Variants in IGLON5 observed in about 807,000 individuals in gnomAD.
The protein encoded by IGLON5 is Ig-like domain-containing protein ENSP00000270642.
IGLON5 carries 16 observed loss-of-function variants against 38.2 expected under a neutral mutation model. The observed-to-expected ratio is 0.42, with a 90% CI of 0.28 to 0.64. The LOEUF is 0.64. IGLON5 is among the 30% of genes least tolerant of loss of function. The pLI is 0.23. For missense variants in IGLON5, 366 were observed against 483.4 expected, an observed-to-expected ratio of 0.76 and a Z score of 2.28; for synonymous variants, 207 against 216.4, an observed-to-expected ratio of 0.96 and a Z score of 0.38.
In IGLON5 at chr19:51,314,722, A is replaced by C. The variant is rs1246650796; in HGVS notation, c.79+2796A>C. ...TTGAGCTGTCTGGGAAAAAAAGCTT[A>C]TGGCAAGATATGCAAACTAGCATCT... On this transcript the variant is annotated intron_variant, in intron 1 of 7. Coordinates refer to ENST00000270642, the MANE Select transcript of IGLON5 (RefSeq NM_001101372.3). 2.0e-5 allele frequency among the ~76,000 whole-genome samples: 3 copies of C among 152,336 alleles called. No homozygotes were observed. The East Asian group carries it at 5.8e-4, about 29-fold the overall frequency.
At chr19:51,316,773 C>T (rs1199229608) in intron 1 of IGLON5, among the ~76,000 whole-genome samples, 4 of 152,084 alleles carry the variant, frequency 2.6e-5, no homozygotes, top group African/African-American at 9.7e-5. Flanking sequence ...GCATTATAGG[C>T]GTGAACCACC....
Position 51,327,868 on chromosome 19 carries a change from G to C in IGLON5, c.904G>C (p.Ala302Pro). 1 of 1,526,836 alleles carries C rather than the reference G, an allele frequency of 6.5e-7. No homozygotes were observed. The highest frequency in any genetic ancestry group is 1.4e-5 in the African/African-American group (1 of 71,796). The allele number at this position is 1,526,836 out of a possible 1,614,324, so 94.6% of individuals were successfully genotyped here. Residue 302 changes from alanine to proline, a missense_variant, in exon 7 of 8, where the codon GCC (alanine) becomes CCC (proline). Coordinates refer to ENST00000270642, the MANE Select transcript of IGLON5 (RefSeq NM_001101372.3). The surrounding 1 kb of genome is among the most constrained non-coding windows in gnomAD (Gnocchi z 7.1). ...CGCCAACCGACTGGGAGCGTCCAGC[G>C]CCTCCATGCGGCTCCTGCGTGCGTC... Reference protein sequence around the residue: ...RAANRLGASSASMRLLRPGSL... With the variant: ...RAANRLGASSPSMRLLRPGSL...
chr19:51,325,184 G>A lies in IGLON5; in HGVS notation c.392-162G>A, dbSNP rs1269675384. Among the ~76,000 whole-genome samples, 1 of 151,776 alleles carries A rather than the reference G, an allele frequency of 6.6e-6. No individual in the cohort carries two copies. The highest frequency in any genetic ancestry group is 6.6e-5 in the Admixed American group (1 of 15,252). The stretch of plus-strand genomic sequence containing the variant: ...TGGGTCTGAGGGAAGAGGAACTGCG[G>A]GTCTGAACTCCCGGGTCTGAGGGAG... On this transcript the variant is annotated intron_variant, in intron 3 of 7. Transcript: ENST00000270642. This position sits in a 1 kb window ranked among gnomAD's most constrained non-coding sequence, Gnocchi z 5.5.
Position 51,327,848 on chromosome 19 carries a change from A to G in IGLON5, c.884A>G (p.Asn295Ser). The change falls in exon 7 of 8, where the codon AAC (asparagine) becomes AGC (serine). Residue 295 changes from asparagine (N) to serine (S), a missense_variant. Coordinates refer to ENST00000270642, the MANE Select transcript of IGLON5 (RefSeq NM_001101372.3). This position sits in a 1 kb window ranked among gnomAD's most constrained non-coding sequence, Gnocchi z 7.1. Reference protein sequence around the residue: ...HYGNYTCRAANRLGASSASMR... With the variant: ...HYGNYTCRAASRLGASSASMR... ...GGCAACTATACGTGTCGCGCCGCCAACCGACTGGGAGCGTCCAGCGCCTCC... is the reference window on the plus strand; with the variant it reads ...GGCAACTATACGTGTCGCGCCGCCAGCCGACTGGGAGCGTCCAGCGCCTCC... The G allele has an allele frequency of 1.3e-6, 2 of 1,488,652 alleles. No homozygotes were observed. The highest frequency in any genetic ancestry group is 1.8e-6 in the Non-Finnish European group (2 of 1,111,280). 92.2% of individuals were successfully genotyped at this position (1,488,652 alleles called of 1,614,324 possible). A position where few individuals can be genotyped will look rare whatever the true frequency, so the allele number is the denominator to read the frequency against.
At chr19:51,321,468 C>T (rs752431064) in intron 1 of IGLON5, among the ~76,000 whole-genome samples, 15 of 152,084 alleles carry the variant, frequency 9.9e-5, no homozygotes, top group Admixed American at 2.0e-4. Context: ...TGTGAGCCAC[C>T]GCACCTGGCC....
At chr19:51,321,520 T>C (rs1480107833) in intron 1 of IGLON5, among the ~76,000 whole-genome samples, 1 of 152,084 alleles carries the variant, frequency 6.6e-6, no homozygotes, top group East Asian at 1.9e-4. Context: ...GGTATGTGTG[T>C]CGCTGTACTC....
Position 51,327,954 on chromosome 19 carries a change from A to G in IGLON5, c.922+68A>G, listed in dbSNP as rs921207738. On this transcript the variant is annotated intron_variant, in intron 7 of 7. Coordinates refer to ENST00000270642, the MANE Select transcript of IGLON5 (RefSeq NM_001101372.3). The surrounding 1 kb of genome is among the most constrained non-coding windows in gnomAD (Gnocchi z 7.1). The stretch of plus-strand genomic sequence containing the variant: ...CGGGGGCGGGGCTAGGGAAGTGGAG[A>G]CGCCGGGACCGCCCTTCAGGCTGGC... 1 of 1,413,704 alleles carries G rather than the reference A, an allele frequency of 7.1e-7. No individual in the cohort carries two copies. Among genetic ancestry groups the G allele is most frequent in the African/African-American group, 1.5e-5 (1 of 67,078 alleles). 87.6% of individuals were successfully genotyped at this position (1,413,704 alleles called of 1,614,324 possible).
At chr19:51,321,993 A>G in intron 1 of IGLON5, 71 bp from the exon 2 acceptor site, 1 of 1,234,748 alleles carries the variant, frequency 8.1e-7, no homozygotes, top group Non-Finnish European at 1.2e-6. Flanking sequence ...GCGTGTGCAC[A>G]TGTGTGCAGG....
At chr19:51,317,580 C>T (rs1984952362) in intron 1 of IGLON5, among the ~76,000 whole-genome samples, 1 of 152,172 alleles carries the variant, frequency 6.6e-6, no homozygotes, top group East Asian at 1.9e-4. Context: ...AGGGTGTCTG[C>T]CCAGGAGTCA....
In IGLON5 at chr19:51,324,059, AC is replaced by A. The variant is rs989985902; in HGVS notation, c.391+166del. ...TCAGCCCAGCAGAAGGGGGCCAGTT[AC>A]ACAGACAGTGACGCATCAACATGAT... On this transcript the variant is annotated intron_variant, in intron 3 of 7. Coordinates refer to ENST00000270642, the MANE Select transcript of IGLON5 (RefSeq NM_001101372.3). The surrounding 1 kb of genome is among the most constrained non-coding windows in gnomAD (Gnocchi z 4.2). 6.6e-6 allele frequency among the ~76,000 whole-genome samples: 1 copy of A among 152,196 alleles called. No homozygotes were observed. The highest frequency in any genetic ancestry group is 2.4e-5 in the African/African-American group (1 of 41,438).
In IGLON5 at chr19:51,328,997, T is replaced by C. The variant is rs1985283470; in HGVS notation, c.*238T>C. On this transcript the variant is annotated 3_prime_UTR_variant, in exon 8 of 8. Transcript: ENST00000270642. Reference sequence around the variant, plus strand: ...GCCATTCTCGCCACCCGTTCACGTTTCCGATTGTGACCCACTCCCGCCACC... The same window carrying C: ...GCCATTCTCGCCACCCGTTCACGTTCCCGATTGTGACCCACTCCCGCCACC... 1 of 452,586 alleles carries C rather than the reference T, an allele frequency of 2.2e-6. No homozygotes were observed. The highest frequency in any genetic ancestry group is 3.2e-5 in the South Asian group (1 of 31,574). The allele number at this position is 452,586 out of a possible 1,614,324, so 28.0% of individuals were successfully genotyped here. A position where few individuals can be genotyped will look rare whatever the true frequency, so the allele number is the denominator to read the frequency against.
chr19:51,325,465 G>C lies in IGLON5; in HGVS notation c.511G>C (p.Asp171His). 6.2e-7 allele frequency: 1 copy of C among 1,610,730 alleles called. No homozygotes were observed. The highest frequency in any genetic ancestry group is 8.5e-7 in the Non-Finnish European group (1 of 1,178,270). ...CACGGTCACCTGGAGACAGCTCCGA[G>C]GTGAGGACCCCATCCCAGGTCAAAA... ...EPTVTWRQLRDGFTSEGEILE... is the reference protein window; with the variant it reads ...EPTVTWRQLRHGFTSEGEILE... Residue 171 changes from aspartate (D) to histidine (H), a missense_variant and splice_region_variant, in exon 4 of 8, where the codon GAC (aspartate) becomes CAC (histidine). Transcript: ENST00000270642. The surrounding 1 kb of genome is among the most constrained non-coding windows in gnomAD (Gnocchi z 5.5).
chr19:51,317,554 T>C (rs767509581), intron 1 of IGLON5, among the ~76,000 whole-genome samples: 35 of 152,246 alleles, frequency 2.3e-4, no homozygotes, highest in Non-Finnish European at 4.4e-4. Flanking sequence ...GTTGGCTTTA[T>C]CAGTAGATGC....
In IGLON5 at chr19:51,327,288, G is replaced by A. The variant is rs1340935621; in HGVS notation, c.767+88G>A. ...TGAGGCAGGGGGACGGAGCGGGGCG[G>A]GGGAAGGCAGCAGAGCTCTGGGTCC... is the stretch of plus-strand genomic sequence containing the variant. On this transcript the variant is annotated intron_variant, in intron 6 of 7. Transcript: ENST00000270642. This position sits in a 1 kb window ranked among gnomAD's most constrained non-coding sequence, Gnocchi z 7.1. 11 of 1,522,114 alleles carry A rather than the reference G, an allele frequency of 7.2e-6. No homozygotes were observed. Among genetic ancestry groups the A allele is most frequent in the African/African-American group, 5.5e-5 (4 of 73,266 alleles). The allele number at this position is 1,522,114 out of a possible 1,614,324, so 94.3% of individuals were successfully genotyped here.
chr19:51,325,575 T>G lies in IGLON5; in HGVS notation c.511+110T>G. ...CCCAGCCCCCTTCTCCCTGGCCCCT[T>G]GGCTTCCCCTCCCACTCTGCTTCCA... On this transcript the variant is annotated intron_variant, in intron 4 of 7. Coordinates refer to ENST00000270642, the MANE Select transcript of IGLON5 (RefSeq NM_001101372.3). The surrounding 1 kb of genome is among the most constrained non-coding windows in gnomAD (Gnocchi z 5.5). 1 of 1,195,602 alleles carries G rather than the reference T, an allele frequency of 8.4e-7. No individual in the cohort carries two copies. The highest frequency in any genetic ancestry group is 1.1e-6 in the Non-Finnish European group (1 of 877,118). The allele number at this position is 1,195,602 out of a possible 1,614,324, so 74.1% of individuals were successfully genotyped here.
At chr19:51,316,618 C>G (rs1984933294) in intron 1 of IGLON5, among the ~76,000 whole-genome samples, 1 of 151,604 alleles carries the variant, frequency 6.6e-6, no homozygotes, top group Admixed American at 6.6e-5. Context: ...CTCAGCCTCC[C>G]AAGTAGCTGG....
Position 51,324,041 on chromosome 19 carries a change from A to T in IGLON5, c.391+147A>T. 1.6e-6 allele frequency: 1 copy of T among 616,866 alleles called. No homozygotes were observed. The highest frequency in any genetic ancestry group is 2.8e-6 in the Non-Finnish European group (1 of 352,688). 38.2% of individuals were successfully genotyped at this position (616,866 alleles called of 1,614,324 possible). On this transcript the variant is annotated intron_variant, in intron 3 of 7. Transcript: ENST00000270642. The surrounding 1 kb of genome is among the most constrained non-coding windows in gnomAD (Gnocchi z 4.2). The stretch of plus-strand genomic sequence containing the variant: ...GCCTTGCCCTTGGGGATTTCAGCCC[A>T]GCAGAAGGGGGCCAGTTACACAGAC...
chr19:51,326,788 T>C lies in IGLON5; in HGVS notation c.536T>C (p.Ile179Thr). ...LRDGFTSEGE[I>T]LEISDIQRGQ... Reference sequence around the variant, plus strand: ...GACGGCTTCACCTCGGAGGGAGAGATCCTGGAGATCTCTGACATCCAGCGG... The same window carrying C: ...GACGGCTTCACCTCGGAGGGAGAGACCCTGGAGATCTCTGACATCCAGCGG... The change falls in exon 5 of 8, where the codon ATC becomes ACC. Residue 179 changes from isoleucine (I) to threonine (T), a missense_variant. Transcript: ENST00000270642. 2 of 1,549,500 alleles carry C rather than the reference T, an allele frequency of 1.3e-6. No individual in the cohort carries two copies. Among genetic ancestry groups the C allele is most frequent in the Non-Finnish European group, 1.7e-6 (2 of 1,146,686 alleles).
chr19:51,316,722 G>C (rs1044310754), intron 1 of IGLON5, among the ~76,000 whole-genome samples: 5 of 151,992 alleles, frequency 3.3e-5, no homozygotes, highest in African/African-American at 9.7e-5. Flanking sequence ...TCGAACTCCT[G>C]ACCTCAGGCA....
Sources: gnomAD v4.1 joint callset for allele counts (sites outside exome capture counted in the v4.1 genomes callset) on GRCh38, gnomAD v4.1.1 for gene constraint, Gnocchi (gnomAD v3.1) non-coding constraint, MANE v1.5 for transcripts, NCBI Gene and HGNC (gene_info 2026-07-23, HGNC 2026-07-21) for gene names.